NFYC: variants seen among roughly 807,000 people sequenced by gnomAD.
NFYC encodes the protein CAAT box DNA-binding protein subunit C.
Under a neutral mutation model 53.1 loss-of-function variants are expected in NFYC, and 25 were observed. The ratio of observed to expected loss-of-function variants is 0.47; its 90% CI spans 0.34 to 0.66. The LOEUF is 0.66. Among genes scored for constraint, NFYC ranks in the 30% least tolerant of loss-of-function variants. The pLI is 0.01. For missense variants in NFYC, 260 were observed against 422.7 expected, an observed-to-expected ratio of 0.62 and a Z score of 3.38; for synonymous variants, 145 against 152.6, an observed-to-expected ratio of 0.95 and a Z score of 0.37.
intron 1 of NFYC, among the ~76,000 whole-genome samples, chr1:40,711,066 G>A (rs1643913449): frequency 6.6e-6 from 1 of 152,108 alleles, no homozygotes; most frequent in Non-Finnish European, 1.5e-5. Flanking sequence ...CCTCCCCCCA[G>A]CAAAAAATTC....
At chr1:40,744,961 C>A (rs1224765009) in intron 2 of NFYC, among the ~76,000 whole-genome samples, 2 of 152,190 alleles carry the variant, frequency 1.3e-5, no homozygotes, top group Non-Finnish European at 2.9e-5. Context: ...ATGAACCATA[C>A]ACACCCCTCA....
Position 40,754,801 on chromosome 1 carries a change from G to C in NFYC, c.387+1555G>C, listed in dbSNP as rs79747897. ...TTCCTCCAAATTCCTCAGTGCTTCTGGGTCTCTCGGGGTGTCATACAGCTC... is the reference window on the plus strand; with the variant it reads ...TTCCTCCAAATTCCTCAGTGCTTCTCGGTCTCTCGGGGTGTCATACAGCTC... On this transcript the variant is annotated intron_variant, in intron 5 of 9. Transcript: ENST00000447388. 6.4e-4 allele frequency among the ~76,000 whole-genome samples: 97 copies of C among 152,148 alleles called. 1 individual carries two copies. The East Asian group carries it at 0.014, about 21-fold the overall frequency.
At chr1:40,695,290 C>T (rs1052417195) in intron 1 of NFYC, among the ~76,000 whole-genome samples, 2 of 152,110 alleles carry the variant, frequency 1.3e-5, no homozygotes, top group Admixed American at 6.5e-5. Context: ...TTTTACAAGG[C>T]ATTTTTATCC....
intron 1 of NFYC, among the ~76,000 whole-genome samples, chr1:40,699,355 C>T (rs1014220618): frequency 2.6e-5 from 4 of 152,168 alleles, no homozygotes; most frequent in African/African-American, 9.7e-5. Flanking sequence ...AGTTGAGATT[C>T]TTTGCCCAGT....
intron 1 of NFYC, chr1:40,712,765 A>C (rs889259675): frequency 2.2e-5 from 3 of 137,028 alleles, no homozygotes; most frequent in African/African-American, 8.3e-5. Flanking sequence ...TGCAGCCTCC[A>C]CCTCCTGGGC....
chr1:40,757,323 T>C, intron 5 of NFYC: 1 of 534,268 alleles, frequency 1.9e-6, no homozygotes, highest in South Asian at 1.4e-5. Context: ...CACTCTCAGC[T>C]GTGAGCTCAA....
intron 1 of NFYC, among the ~76,000 whole-genome samples, chr1:40,694,515 T>C (rs1281648161): frequency 6.6e-6 from 1 of 152,256 alleles, no homozygotes; most frequent in African/African-American, 2.4e-5. Flanking sequence ...CCATGTATTT[T>C]GTACATTGGT....
intron 1 of NFYC, chr1:40,723,131 G>A (rs1644385793): frequency 6.6e-6 from 1 of 152,192 alleles, no homozygotes; most frequent in South Asian, 2.1e-4. Context: ...TATGTGGCAT[G>A]TATTTTATGA....
chr1:40,733,594 G>A (rs138309957), intron 1 of NFYC, among the ~76,000 whole-genome samples: 54 of 151,074 alleles, frequency 3.6e-4, no homozygotes, highest in African/African-American at 1.3e-3. Flanking sequence ...TTTGAGGCAG[G>A]GTCTCCCTCT....
At chr1:40,703,511 T>G (rs1190940971) in intron 1 of NFYC, among the ~76,000 whole-genome samples, 1 of 124,568 alleles carries the variant, frequency 8.0e-6, no homozygotes, top group East Asian at 2.5e-4. Flanking sequence ...GAAGCTCTTA[T>G]TGCAGTTAAC....
Position 40,738,735 on chromosome 1 carries a change from A to G in NFYC, c.-8-101A>G, listed in dbSNP as rs535011314. The G allele has an allele frequency of 6.4e-6, 5 of 782,358 alleles. No individual in the cohort carries two copies. The East Asian group carries it at 1.3e-4, about 20-fold the overall frequency. 48.5% of individuals were successfully genotyped at this position (782,358 alleles called of 1,614,324 possible). On this transcript the variant is annotated intron_variant, in intron 1 of 9. Transcript: ENST00000447388. Reference sequence around the variant, plus strand: ...ATACCTTATCAAACTGAAAGATTGAATAGATTCATAAAAACATCCACAAAT... The same window carrying G: ...ATACCTTATCAAACTGAAAGATTGAGTAGATTCATAAAAACATCCACAAAT...
intron 5 of NFYC, among the ~76,000 whole-genome samples, chr1:40,753,814 G>C (rs1414836686): frequency 2.0e-5 from 3 of 152,146 alleles, no homozygotes. Context: ...CTCCCTGGAT[G>C]CTTTTAATGT....
rs201814759 is a variant in NFYC, at chr1:40,715,812, G to GA, written c.-8-23015dup. ...ATTCCAGTATAAAGGAAGAACTAAA[G>GA]AAAAAAAAACATAGTAAATGTTTAA... On this transcript the variant is annotated intron_variant, in intron 1 of 9. Coordinates refer to ENST00000447388, the MANE Select transcript of NFYC (RefSeq NM_014223.5). Among the ~76,000 whole-genome samples the GA allele has an allele frequency of 2.8e-3, 424 of 150,346 alleles. 3 individuals carry two copies. The highest frequency in any genetic ancestry group is 7.7e-3 in the African/African-American group (316 of 41,094).
rs550099802 is a variant in NFYC, at chr1:40,732,908, T to G, written c.-8-5928T>G. Among the ~76,000 whole-genome samples the G allele has an allele frequency of 1.8e-3, 274 of 152,184 alleles. 3 individuals carry two copies. The highest frequency in any genetic ancestry group is 6.2e-3 in the African/African-American group (256 of 41,524). ...TGATTGCAGTCTTGCTTTAAAGTCC[T>G]GGAGCTCATTTAGTCTAAGCTTCTG... On this transcript the variant is annotated intron_variant, in intron 1 of 9. Coordinates refer to ENST00000447388, the MANE Select transcript of NFYC (RefSeq NM_014223.5).
chr1:40,763,151 T>G (rs1018347156), intron 7 of NFYC, 105 bp downstream of exon 7: 23 of 1,040,484 alleles, frequency 2.2e-5, no homozygotes, highest in Admixed American at 2.8e-5. Flanking sequence ...TACCTTGATA[T>G]GTATATCTAT....
At chr1:40,693,194 G>A (rs1289602101) in intron 1 of NFYC, among the ~76,000 whole-genome samples, 2 of 152,092 alleles carry the variant, frequency 1.3e-5, no homozygotes, top group Admixed American at 6.5e-5. Flanking sequence ...CCCATGCATA[G>A]CTTCTTAAGG....
chr1:40,722,075 G>T (rs969459986), intron 1 of NFYC, among the ~76,000 whole-genome samples: 1 of 152,130 alleles, frequency 6.6e-6, no homozygotes, highest in African/African-American at 2.4e-5. Context: ...GGAGGCTGAG[G>T]CAGGAGAATG....
chr1:40,705,210 C>G (rs575894290), intron 1 of NFYC, among the ~76,000 whole-genome samples: 3 of 152,322 alleles, frequency 2.0e-5, no homozygotes, highest in Admixed American at 1.3e-4. Context: ...CACTGCCTTC[C>G]AAGTGCTTAG....
At chr1:40,744,134 T>C (rs1478926303) in intron 2 of NFYC, among the ~76,000 whole-genome samples, 2 of 152,224 alleles carry the variant, frequency 1.3e-5, no homozygotes, top group African/African-American at 4.8e-5. Context: ...CTCCACCTCC[T>C]GTCAGATCAG....
Sources: allele counts gnomAD v4.1 joint callset (sites outside exome capture counted in the v4.1 genomes callset), GRCh38; gene constraint gnomAD v4.1.1; transcripts MANE v1.5; gene names NCBI Gene and HGNC (gene_info 2026-07-23, HGNC 2026-07-21).